Variants in NUP210L observed in about 807,000 individuals in gnomAD.
The protein encoded by NUP210L is nuclear pore membrane glycoprotein 210-like.
A neutral mutation model predicts 208.5 loss-of-function variants in NUP210L; 74 were observed. The ratio of observed to expected loss-of-function variants is 0.35; its 90% CI spans 0.29 to 0.43. The LOEUF (loss-of-function observed/expected upper bound fraction) is 0.43, where lower values mean the gene tolerates loss of function less well. NUP210L is among the 20% of genes least tolerant of loss of function. NUP210L has a pLI of 1.00. For missense variants in NUP210L, 1,843 were observed against 2,289.4 expected (o/e 0.81, Z 3.98); for synonymous variants, 780 against 816.9 (o/e 0.95, Z 0.77).
intron 5 of NUP210L, 39 bp from the exon 6 acceptor site, chr1:154,138,277 A>G: frequency 6.6e-7 from 1 of 1,513,858 alleles, no homozygotes; most frequent in Admixed American, 2.7e-5. Flanking sequence ...AACAGTTTCC[A>G]TGGACGGAAC....
chr1:154,082,485 G>A (rs1404519131), intron 16 of NUP210L, among the ~76,000 whole-genome samples: 1 of 152,136 alleles, frequency 6.6e-6, no homozygotes, highest in Non-Finnish European at 1.5e-5. Context: ...CTTGTAGATA[G>A]TTGAACAGGT....
rs1013984888 is a variant in NUP210L, at chr1:154,117,304, G to C, written c.1620+421C>G. On this transcript the variant is annotated intron_variant, in intron 12 of 39. Transcript: ENST00000368559. ...TTTTTAAAATATGTATTTCTGGCTG[G>C]GTGCAGTGGCTTATGCCTGTAATCC... is the stretch of plus-strand genomic sequence containing the variant. Among the ~76,000 whole-genome samples the C allele has an allele frequency of 1.4e-4, 21 of 152,096 alleles. 1 individual carries two copies. The highest frequency in any genetic ancestry group is 5.9e-4 in the Admixed American group (9 of 15,254).
chr1:154,022,469 GAGTAAGTA>G, intron 31 of NUP210L, 126 bp from the exon 32 acceptor site: 1 of 728,010 alleles, frequency 1.4e-6, no homozygotes, highest in Non-Finnish European at 2.3e-6. Flanking sequence ...CCACAATAAA[GAGTAAGTA>G]AGTATGGGCC....
intron 3 of NUP210L, 29 bp downstream of exon 3, chr1:154,143,417 A>C (rs1183030190): frequency 1.2e-6 from 2 of 1,600,976 alleles, no homozygotes; most frequent in Non-Finnish European, 1.7e-6. Context: ...ATTTTAGGTA[A>C]TTTTGTTGAA....
intron 27 of NUP210L, among the ~76,000 whole-genome samples, chr1:154,035,683 G>A (rs931818706): frequency 6.6e-5 from 10 of 151,574 alleles, no homozygotes; most frequent in East Asian, 1.9e-4. Context: ...ACAGGTGACC[G>A]GCCTCTACTT....
intron 16 of NUP210L, among the ~76,000 whole-genome samples, chr1:154,085,827 A>G (rs1434187280): frequency 6.6e-6 from 1 of 152,190 alleles, no homozygotes; most frequent in Non-Finnish European, 1.5e-5. Context: ...TGGTTAACAG[A>G]TTTGCAACAA....
At chr1:154,078,972 A>G (rs1655176980) in intron 16 of NUP210L, 1 of 152,184 alleles carries the variant, frequency 6.6e-6, no homozygotes, top group Non-Finnish European at 1.5e-5. Context: ...ACTTTGGAGT[A>G]CTTCCTTTCT....
At chr1:153,995,023 AAAAAAG>A in intron 38 of NUP210L, 47 bp downstream of exon 38, 5 of 1,248,650 alleles carry the variant, frequency 4.0e-6, no homozygotes, top group Admixed American at 4.3e-5. Context: ...AAAAAAAAAA[AAAAAAG>A]GCAGTTTTCA....
chr1:154,067,670 T>A (rs560044455), intron 17 of NUP210L, among the ~76,000 whole-genome samples: 74 of 152,318 alleles, frequency 4.9e-4, no homozygotes, highest in Non-Finnish European at 8.8e-4. Context: ...TGTTTGCAGA[T>A]GACATGATTG....
chr1:154,044,400 T>A (rs1653059776), intron 27 of NUP210L, among the ~76,000 whole-genome samples: 3 of 141,850 alleles, frequency 2.1e-5, no homozygotes, highest in Non-Finnish European at 3.1e-5. Context: ...AGAGGGAAAC[T>A]CTGTCTCAAA....
chr1:154,013,824 G>A (rs1454522173), intron 33 of NUP210L, among the ~76,000 whole-genome samples: 1 of 152,072 alleles, frequency 6.6e-6, no homozygotes, highest in African/African-American at 2.4e-5. Context: ...CAGTGCACTG[G>A]CGCAATTTCG....
chr1:154,090,736 G>A (rs1450002736), intron 15 of NUP210L, among the ~76,000 whole-genome samples: 2 of 151,938 alleles, frequency 1.3e-5, no homozygotes, highest in African/African-American at 4.8e-5. Flanking sequence ...ACTTGAACCC[G>A]GGAGGCGGAG....
exon 13 of NUP210L, chr1:154,104,145 C>T (rs1557978907): frequency 6.2e-7 from 1 of 1,614,020 alleles, no homozygotes; most frequent in African/African-American, 1.3e-5. Context: ...TTTCTATAAT[C>T]TGGCCAATCT....
At chr1:154,008,572 T>A (rs992233843) in intron 35 of NUP210L, among the ~76,000 whole-genome samples, 16 of 152,150 alleles carry the variant, frequency 1.1e-4, no homozygotes, top group African/African-American at 3.9e-4. Context: ...CTGGGCGTGG[T>A]GACACGCGCC....
At chr1:154,142,414 T>A (rs1318393151) in intron 3 of NUP210L, among the ~76,000 whole-genome samples, 2 of 152,126 alleles carry the variant, frequency 1.3e-5, no homozygotes, top group Non-Finnish European at 2.9e-5. Context: ...TAATATAGTA[T>A]ACAGTATTAA....
At chr1:154,091,100 T>C in intron 15 of NUP210L, among the ~76,000 whole-genome samples, 1 of 148,032 alleles carries the variant, frequency 6.8e-6, no homozygotes, top group South Asian at 2.1e-4. Flanking sequence ...TTATTATTAT[T>C]ATTATTATTA....
At chr1:154,025,805 G>A in intron 29 of NUP210L, 89 bp from the exon 30 acceptor site, 1 of 1,135,994 alleles carries the variant, frequency 8.8e-7, no homozygotes, top group Admixed American at 2.2e-5. Flanking sequence ...TACTGTTAGG[G>A]GATGTACTCG....
rs184082538 is a variant in NUP210L at position 153,993,638 on chromosome 1, T to C, written c.5492-549A>G. Among the ~76,000 whole-genome samples the C allele has an allele frequency of 1.9e-3, 281 of 148,316 alleles. 2 individuals carry two copies. Among genetic ancestry groups the C allele is most frequent in the African/African-American group, 6.6e-3 (266 of 40,194 alleles). ...TTAATTTTTTTTTTTTTAGGCTGTG[T>C]GTGGTGGCTCACGCCTGTAATCCCA... is the stretch of plus-strand genomic sequence containing the variant. On this transcript the variant is annotated intron_variant, in intron 38 of 39. Coordinates refer to ENST00000368559, the Ensembl canonical transcript of NUP210L.
At chr1:154,034,094 T>C (rs1403325526) in intron 27 of NUP210L, among the ~76,000 whole-genome samples, 2 of 152,090 alleles carry the variant, frequency 1.3e-5, no homozygotes, top group East Asian at 3.9e-4. Context: ...AGTATTTTCA[T>C]GAGGGTTTTT....
Sources: gnomAD v4.1 joint callset for allele counts (sites outside exome capture counted in the v4.1 genomes callset) on GRCh38, gnomAD v4.1.1 for gene constraint, MANE v1.5 for transcripts, NCBI Gene and HGNC (gene_info 2026-07-23, HGNC 2026-07-21) for gene names.